Variants in ADAMTS17 observed in about 807,000 individuals in gnomAD.
ADAMTS17 encodes A disintegrin and metalloproteinase with thrombospondin motifs 17.
In ADAMTS17, 113 loss-of-function variants were observed where a neutral mutation model predicts 141.5. The observed-to-expected ratio is 0.80, with a 90% CI of 0.69 to 0.93. ADAMTS17 has a LOEUF of 0.93. Ranked by LOEUF, ADAMTS17 falls within the 40% of genes least tolerant of loss-of-function variation. ADAMTS17 has a pLI of 0.00. For missense variants in ADAMTS17, 1,659 were observed against 1,517.9 expected, an observed-to-expected ratio of 1.09 and a Z score of -1.54; for synonymous variants, 768 against 630.6, an observed-to-expected ratio of 1.22 and a Z score of -3.27.
At chr15:100,046,630 T>C (rs2031708373) in intron 18 of ADAMTS17, among the ~76,000 whole-genome samples, 1 of 152,236 alleles carries the variant, frequency 6.6e-6, no homozygotes, top group Non-Finnish European at 1.5e-5. Flanking sequence ...AATACTTTTA[T>C]AATTTCTTAT....
intron 18 of ADAMTS17, among the ~76,000 whole-genome samples, chr15:100,001,976 C>CAAAAGAAAAAAAAAA (rs2060932875): frequency 3.0e-5 from 1 of 33,608 alleles, no homozygotes; most frequent in Non-Finnish European, 4.9e-5. Flanking sequence ...GACTCAGTCT[C>CAAAAGAAAAAAAAAA]AAAAAAAAGG....
chr15:100,168,440 A>G (rs112657395), intron 8 of ADAMTS17: 1 of 152,358 alleles, frequency 6.6e-6, no homozygotes, highest in African/African-American at 2.4e-5. Flanking sequence ...TGGTGAGAAT[A>G]AGAATATGCT....
rs954833328 is a variant in ADAMTS17, at chr15:100,254,003, C to A, written c.1075+133G>T. 6 of 851,522 alleles carry A rather than the reference C, an allele frequency of 7.0e-6. No homozygotes were observed. In the Admixed American group the frequency reaches 1.3e-4, roughly 19 times the overall value. 52.7% of individuals were successfully genotyped at this position (851,522 alleles called of 1,614,324 possible). On this transcript the variant is annotated intron_variant, in intron 7 of 21. Transcript: ENST00000268070. ...AAATAAAAAAAGGAAAGTCAAAGAC[C>A]AACTTACAGGAAGGAAGGCAACAGA...
intron 7 of ADAMTS17, among the ~76,000 whole-genome samples, chr15:100,236,243 CATTGAGAGAGGTGCCCTAT>C (rs1241074498): frequency 2.1e-5 from 3 of 140,358 alleles, no homozygotes; most frequent in African/African-American, 8.0e-5. Flanking sequence ...GTAAACATTA[CATTGAGAGAGGTGCCCTAT>C]ATTCATGTCA....
At chr15:100,013,149 G>A (rs938305505) in intron 18 of ADAMTS17, among the ~76,000 whole-genome samples, 20 of 152,218 alleles carry the variant, frequency 1.3e-4, no homozygotes, top group Middle Eastern at 3.4e-3. Flanking sequence ...TGCAGCTATT[G>A]TAAAAGGGGA....
chr15:99,974,762 C>G (rs1204028862), intron 21 of ADAMTS17, among the ~76,000 whole-genome samples, 200 bp from the exon 22 acceptor site: 1 of 152,218 alleles, frequency 6.6e-6, no homozygotes, highest in Non-Finnish European at 1.5e-5. Flanking sequence ...ACCTTTGCAT[C>G]CAAACCCAAC....
rs1273800080 is a variant in ADAMTS17 at position 100,058,281 on chromosome 15, C to CT, written c.2138-4228dup. ...CGGCTCTGACACCCCTATCCCGGCT[C>CT]TAACCCTCCTATCCCGGCTCTAACA... is the stretch of plus-strand genomic sequence containing the variant. On this transcript the variant is annotated intron_variant, in intron 15 of 21. Transcript: ENST00000268070. Among the ~76,000 whole-genome samples, 118 of 79,356 alleles carry CT rather than the reference C, an allele frequency of 1.5e-3. 1 individual carries two copies. The highest frequency in any genetic ancestry group is 4.7e-3 in the African/African-American group (102 of 21,842). The allele number at this position is 79,356 out of a possible 152,430, so 52.1% of individuals were successfully genotyped here.
intron 1 of ADAMTS17, 113 bp downstream of exon 1, chr15:100,341,708 G>A: frequency 7.5e-7 from 1 of 1,339,756 alleles, no homozygotes. Flanking sequence ...TCCTCCGCTC[G>A]GGCGCCGTCA....
chr15:100,273,118 G>A (rs72633237), intron 4 of ADAMTS17, among the ~76,000 whole-genome samples: 26,105 of 151,910 alleles, frequency 0.17, 2,441 homozygotes, highest in East Asian at 0.34. Context: ...GGACTTTTAC[G>A]TCAATGAATA....
intron 15 of ADAMTS17, among the ~76,000 whole-genome samples, chr15:100,057,395 C>T (rs2032672216): frequency 6.6e-6 from 1 of 152,132 alleles, no homozygotes; most frequent in Non-Finnish European, 1.5e-5. Flanking sequence ...TCCGTAGAAC[C>T]CATTTCTCTC....
At chr15:100,206,144 G>A (rs1157692713) in intron 7 of ADAMTS17, among the ~76,000 whole-genome samples, 3 of 152,230 alleles carry the variant, frequency 2.0e-5, no homozygotes, top group Non-Finnish European at 2.9e-5. Context: ...AGCAGGTGAT[G>A]AGTGCCTTGG....
intron 3 of ADAMTS17, among the ~76,000 whole-genome samples, chr15:100,308,645 GAAAAAAGAA>G (rs1422130507): frequency 6.6e-6 from 1 of 151,812 alleles, no homozygotes; most frequent in Non-Finnish European, 1.5e-5. Flanking sequence ...TTGGATTCAT[GAAAAAAGAA>G]AAAAAAGTAA....
At chr15:100,265,154 C>T (rs190320384) in intron 4 of ADAMTS17, among the ~76,000 whole-genome samples, 4 of 152,242 alleles carry the variant, frequency 2.6e-5, no homozygotes, top group Non-Finnish European at 2.9e-5. Context: ...TGCCAGGTGC[C>T]GACCACAGGC....
intron 18 of ADAMTS17, among the ~76,000 whole-genome samples, chr15:100,000,381 C>T (rs553153805): frequency 6.6e-6 from 1 of 152,196 alleles, no homozygotes; most frequent in Admixed American, 6.5e-5. Context: ...GATGTTCAAT[C>T]CCTCCCATTC....
chr15:100,316,789 CCT>C (rs1161591833), intron 3 of ADAMTS17, among the ~76,000 whole-genome samples: 1 of 149,500 alleles, frequency 6.7e-6, no homozygotes, highest in African/African-American at 2.6e-5. Flanking sequence ...ACATGCATTC[CCT>C]CTCTCTCAGA....
intron 20 of ADAMTS17, among the ~76,000 whole-genome samples, chr15:99,981,041 TC>T (rs1567638020): frequency 6.6e-6 from 1 of 152,182 alleles, no homozygotes; most frequent in East Asian, 1.9e-4. Context: ...TTGGCACGGG[TC>T]CACGTCTTGC....
chr15:100,207,415 G>A (rs779772078), intron 7 of ADAMTS17, among the ~76,000 whole-genome samples: 9 of 152,252 alleles, frequency 5.9e-5, no homozygotes, highest in Non-Finnish European at 7.4e-5. Flanking sequence ...CTCTAAACAA[G>A]CTAATACACC....
At chr15:100,084,237 G>A (rs1005975608) in intron 15 of ADAMTS17, among the ~76,000 whole-genome samples, 12 of 152,196 alleles carry the variant, frequency 7.9e-5, no homozygotes, top group African/African-American at 1.9e-4. Flanking sequence ...ACAGAGCCTC[G>A]CTCATTGCTA....
chr15:100,057,216 A>T (rs571676322), intron 15 of ADAMTS17, among the ~76,000 whole-genome samples: 1 of 152,142 alleles, frequency 6.6e-6, no homozygotes, highest in African/African-American at 2.4e-5. Flanking sequence ...TTGGCTGGGA[A>T]AAGGAGGCAA....
Sources: allele counts gnomAD v4.1 joint callset (sites outside exome capture counted in the v4.1 genomes callset), GRCh38; gene constraint gnomAD v4.1.1; transcripts MANE v1.5; gene names NCBI Gene and HGNC (gene_info 2026-07-23, HGNC 2026-07-21).